REV3L: variants seen among roughly 807,000 people sequenced by gnomAD.
REV3L encodes the protein DNA polymerase zeta catalytic subunit.
Under a neutral mutation model 299.4 loss-of-function variants are expected in REV3L, and 69 were observed. That is an observed-to-expected ratio of 0.23 (90% CI 0.19 to 0.28). The LOEUF (loss-of-function observed/expected upper bound fraction) is 0.28, where lower values mean the gene tolerates loss of function less well. Ranked by LOEUF, REV3L falls within the 10% of genes least tolerant of loss-of-function variation. REV3L has a pLI of 1.00. For missense variants in REV3L, 3,128 were observed against 3,693.8 expected, an observed-to-expected ratio of 0.85 and a Z score of 3.97; for synonymous variants, 1,238 against 1,271.4, an observed-to-expected ratio of 0.97 and a Z score of 0.56.
chr6:111,467,399 G>A (rs546370837), intron 1 of REV3L, among the ~76,000 whole-genome samples: 134 of 152,302 alleles, frequency 8.8e-4, no homozygotes, highest in Non-Finnish European at 1.4e-3. Context: ...CATTCTGTGT[G>A]TTTTTCTTCT....
At position 111,346,597 on chromosome 6, in the gene REV3L, C is replaced by T. The variant is rs139748132; in HGVS notation, c.7420-2554G>A. ...TTCCTGGCCTCAAAATGTCCTCCCG[C>T]CTGAGTCTCCTGAGTAGCTGGGACT... On this transcript the variant is annotated intron_variant, in intron 20 of 31. Coordinates refer to ENST00000368802, the MANE Select transcript of REV3L (RefSeq NM_001372078.1). Among the ~76,000 whole-genome samples the T allele has an allele frequency of 1.2e-4, 18 of 152,268 alleles. No homozygotes were observed. In the East Asian group the frequency reaches 3.5e-3, roughly 29 times the overall value.
chr6:111,472,169 C>T, intron 1 of REV3L: 1 of 1,257,132 alleles, frequency 8.0e-7, no homozygotes, highest in Non-Finnish European at 1.0e-6. Context: ...TAGTCATTTT[C>T]TTGTTCTGAG....
rs372958820 is a variant in REV3L at position 111,303,887 on chromosome 6, AT to A, written c.9252+3473del. 2.3e-4 allele frequency among the ~76,000 whole-genome samples: 35 copies of A among 150,754 alleles called. No homozygotes were observed. The East Asian group carries it at 6.3e-3, about 27-fold the overall frequency. The stretch of plus-strand genomic sequence containing the variant: ...AGGCTCATGCCACCATGCCTGGCTA[AT>A]TTTTGTATTTTTTAGTAGAGCTGGG... On this transcript the variant is annotated intron_variant, in intron 31 of 31. Transcript: ENST00000368802.
Position 111,373,485 on chromosome 6 carries a change from A to C in REV3L, c.4870T>G (p.Phe1624Val). The change falls in exon 13 of 32, where the codon TTT becomes GTT. Residue 1624 changes from phenylalanine (F) to valine (V), a missense_variant. Physicochemically the swap from Phe to Val is conservative, Grantham distance 50. Transcript: ENST00000368802. ...CAACTTTCAAAGCCTGGATCTGAAA[A>C]AAAGATGGGACTATCATCTGATACA... The part of the protein sequence containing the change: ...NSVSDDSPIF[F>V]SDPGFESCYS... 6.2e-7 allele frequency: 1 copy of C among 1,613,424 alleles called. No individual in the cohort carries two copies. Among genetic ancestry groups the C allele is most frequent in the Non-Finnish European group, 8.5e-7 (1 of 1,179,832 alleles).
chr6:111,387,807 C>T lies in REV3L; in HGVS notation c.1054G>A (p.Ala352Thr). The T allele has an allele frequency of 1.2e-6, 2 of 1,613,912 alleles. No individual in the cohort carries two copies. Among genetic ancestry groups the T allele is most frequent in the Non-Finnish European group, 1.7e-6 (2 of 1,179,930 alleles). ...TCTTTGTGAACTTCTACCATATTGG[C>T]TGGTGTACACTGAAGCATTTCAGGA... is the stretch of plus-strand genomic sequence containing the variant. ...LSPEMLQCTP[A>T]NMVEVHKDKE... Residue 352 changes from alanine (A) to threonine (T), a missense_variant, in exon 9 of 32, where the codon GCC becomes ACC. Coordinates refer to ENST00000368802, the MANE Select transcript of REV3L (RefSeq NM_001372078.1).
intron 1 of REV3L, among the ~76,000 whole-genome samples, chr6:111,447,077 A>G (rs1357491502): frequency 2.6e-5 from 4 of 152,150 alleles, no homozygotes; most frequent in Non-Finnish European, 5.9e-5. Context: ...GAAAACAGTT[A>G]ATTTTCAACT....
intron 1 of REV3L, chr6:111,431,368 A>G: frequency 2.0e-6 from 2 of 979,874 alleles, no homozygotes; most frequent in Non-Finnish European, 3.3e-6. Context: ...CCAATACTTC[A>G]AGACAGGCTC....
At chr6:111,389,003 A>G in intron 7 of REV3L, 103 bp downstream of exon 7, 1 of 818,688 alleles carries the variant, frequency 1.2e-6, no homozygotes, top group Non-Finnish European at 2.0e-6. Flanking sequence ...TATAAAGGTC[A>G]TTTGAAAAGT....
intron 30 of REV3L, chr6:111,309,480 G>C (rs1023814101): frequency 3.2e-5 from 5 of 157,900 alleles, no homozygotes; most frequent in African/African-American, 1.2e-4. Context: ...TTGACGACCA[G>C]CTGCTTGGGT....
At chr6:111,469,494 T>C (rs1321238921) in intron 1 of REV3L, among the ~76,000 whole-genome samples, 1 of 152,186 alleles carries the variant, frequency 6.6e-6, no homozygotes, top group East Asian at 1.9e-4. Context: ...GTTGTAGTAA[T>C]GGCCCCCTAA....
At chr6:111,372,549 A>G in intron 13 of REV3L, 47 bp downstream of exon 13, 8 of 1,343,436 alleles carry the variant, frequency 6.0e-6, no homozygotes, top group Non-Finnish European at 7.9e-6. Flanking sequence ...ATAATTTTAT[A>G]TATCATAATA....
chr6:111,423,532 A>AAACAGTGTGTGTGTG (rs1785813429), intron 1 of REV3L, among the ~76,000 whole-genome samples: 1 of 151,756 alleles, frequency 6.6e-6, no homozygotes, highest in Non-Finnish European at 1.5e-5. Context: ...GAGAGAGAGA[A>AAACAGTGTGTGTGTG]AAACAGTGTG....
At chr6:111,329,168 T>G (rs536521911) in intron 25 of REV3L, among the ~76,000 whole-genome samples, 1 of 152,090 alleles carries the variant, frequency 6.6e-6, no homozygotes, top group Non-Finnish European at 1.5e-5. Flanking sequence ...CTCGGCCTCT[T>G]GAGTAACTGG....
intron 31 of REV3L, among the ~76,000 whole-genome samples, chr6:111,306,477 G>A (rs1772316665): frequency 6.6e-6 from 1 of 152,098 alleles, no homozygotes; most frequent in Non-Finnish European, 1.5e-5. Context: ...GGGGGTGCGA[G>A]GTGGCAAATT....
chr6:111,471,171 C>T (rs946370788), intron 1 of REV3L, among the ~76,000 whole-genome samples: 9 of 151,910 alleles, frequency 5.9e-5, no homozygotes, highest in African/African-American at 2.2e-4. Flanking sequence ...TACAAATTCA[C>T]AAGAGAGCAA....
At chr6:111,386,878 C>G (rs971226297) in intron 9 of REV3L, among the ~76,000 whole-genome samples, 11 of 151,838 alleles carry the variant, frequency 7.2e-5, no homozygotes, top group African/African-American at 2.4e-4. Context: ...TGCGCCACCA[C>G]GCCCGGCTAA....
Position 111,405,629 on chromosome 6 carries a change from T to C in REV3L, c.406A>G (p.Ile136Val). The change falls in exon 4 of 32, where the codon ATA becomes GTA. Residue 136 changes from isoleucine (I) to valine (V), a missense_variant and splice_region_variant. Coordinates refer to ENST00000368802, the MANE Select transcript of REV3L (RefSeq NM_001372078.1). ...YLYNPTMVKR[I>V]CELLQSGAIM... Reference sequence around the variant, plus strand: ...GCTCCGCTTTGCAAAAGTTCACATATCCTAAATTAGAAAAAAAAAGTTTTA... The same window carrying C: ...GCTCCGCTTTGCAAAAGTTCACATACCCTAAATTAGAAAAAAAAAGTTTTA... 6.3e-7 allele frequency: 1 copy of C among 1,576,196 alleles called. No individual in the cohort carries two copies. Among genetic ancestry groups the C allele is most frequent in the Non-Finnish European group, 8.6e-7 (1 of 1,166,500 alleles).
chr6:111,380,981 G>T (rs1378807891), intron 10 of REV3L, among the ~76,000 whole-genome samples: 1 of 152,250 alleles, frequency 6.6e-6, no homozygotes, highest in African/African-American at 2.4e-5. Flanking sequence ...GGTGAAATTT[G>T]TGATACTCAC....
At chr6:111,430,141 A>C in intron 1 of REV3L, 1 of 785,844 alleles carries the variant, frequency 1.3e-6, no homozygotes, top group Non-Finnish European at 2.3e-6. Flanking sequence ...AAAGACCTCC[A>C]GTGTCACGCC....
Sources: allele counts gnomAD v4.1 joint callset (sites outside exome capture counted in the v4.1 genomes callset), GRCh38; gene constraint gnomAD v4.1.1; transcripts MANE v1.5; gene names NCBI Gene and HGNC (gene_info 2026-07-23, HGNC 2026-07-21).